SPAG16: variants seen among roughly 807,000 people sequenced by gnomAD.
SPAG16 encodes the protein sperm-associated antigen 16 protein.
In SPAG16, 86 loss-of-function variants were observed where a neutral mutation model predicts 80.4. That is an observed-to-expected ratio of 1.07 (90% CI 0.90 to 1.28). The LOEUF (loss-of-function observed/expected upper bound fraction) is 1.28. SPAG16 is among the 50% of genes most tolerant of loss of function. The pLI, the probability that SPAG16 is intolerant of heterozygous loss-of-function variation, is 0.00. For missense variants in SPAG16, 870 were observed against 765.3 expected, an observed-to-expected ratio of 1.14 and a Z score of -1.61; for synonymous variants, 294 against 265.9, an observed-to-expected ratio of 1.11 and a Z score of -1.03.
rs74410891 is a variant in SPAG16, at chr2:213,693,566, T to G, written c.1071-168919T>G. ...CTTGCTAAATAATTTATGGGCTTTTTGGAAGTGTTTTGGGCAGATTTCAAC... is the reference window on the plus strand; with the variant it reads ...CTTGCTAAATAATTTATGGGCTTTTGGGAAGTGTTTTGGGCAGATTTCAAC... On this transcript the variant is annotated intron_variant, in intron 10 of 15. Transcript: ENST00000331683. Among the ~76,000 whole-genome samples, 636 of 152,334 alleles carry G rather than the reference T, an allele frequency of 4.2e-3. 5 individuals carry two copies. The highest frequency in any genetic ancestry group is 0.014 in the African/African-American group (588 of 41,566).
At chr2:213,579,459 A>G (rs1045960932) in intron 10 of SPAG16, among the ~76,000 whole-genome samples, 1 of 152,164 alleles carries the variant, frequency 6.6e-6, no homozygotes, top group Non-Finnish European at 1.5e-5. Flanking sequence ...ACTCTTTTAA[A>G]AAGAAATGTA....
chr2:213,911,619 T>G (rs2077669723), intron 11 of SPAG16, among the ~76,000 whole-genome samples: 1 of 152,192 alleles, frequency 6.6e-6, no homozygotes, highest in Non-Finnish European at 1.5e-5. Flanking sequence ...ACTTGATGAT[T>G]ATTTGTATAT....
At chr2:213,664,252 G>A (rs139393975) in intron 10 of SPAG16, among the ~76,000 whole-genome samples, 106 of 152,018 alleles carry the variant, frequency 7.0e-4, no homozygotes, top group East Asian at 1.9e-3. Context: ...TTATCTTCCC[G>A]TCTTGAAATC....
At chr2:213,599,630 A>C (rs2060994635) in intron 10 of SPAG16, among the ~76,000 whole-genome samples, 2 of 152,162 alleles carry the variant, frequency 1.3e-5, no homozygotes, top group African/African-American at 4.8e-5. Context: ...GTGTTAACCG[A>C]CTTGTTGATG....
In SPAG16 at chr2:213,376,641, G is replaced by A. The variant is rs151132303; in HGVS notation, c.942+1522G>A. Among the ~76,000 whole-genome samples, 5 of 151,710 alleles carry A rather than the reference G, an allele frequency of 3.3e-5. No individual in the cohort carries two copies. In the East Asian group the frequency reaches 7.7e-4, roughly 23 times the overall value. ...ACTTCACATGATATCTATTGACTCC[G>A]CCGTAACAAAGAGGCATTTAGAGCA... On this transcript the variant is annotated intron_variant, in intron 9 of 15. Coordinates refer to ENST00000331683, the MANE Select transcript of SPAG16 (RefSeq NM_024532.5).
intron 11 of SPAG16, among the ~76,000 whole-genome samples, chr2:213,915,959 TG>T (rs1188326261): frequency 6.6e-6 from 1 of 152,210 alleles, no homozygotes; most frequent in Non-Finnish European, 1.5e-5. Context: ...TACTTTTTGA[TG>T]GGGTTGTTTT....
intron 15 of SPAG16, among the ~76,000 whole-genome samples, chr2:214,323,924 C>G (rs1460570474): frequency 1.3e-5 from 2 of 152,170 alleles, no homozygotes; most frequent in African/African-American, 4.8e-5. Flanking sequence ...ATTTTCCAAA[C>G]TTGAATTTTT....
At chr2:214,046,009 A>G (rs2049300601) in intron 13 of SPAG16, among the ~76,000 whole-genome samples, 1 of 152,188 alleles carries the variant, frequency 6.6e-6, no homozygotes, top group African/African-American at 2.4e-5. Flanking sequence ...CTGAAATGAA[A>G]AAGAAGACAC....
chr2:213,470,445 G>A (rs375636653), intron 9 of SPAG16, among the ~76,000 whole-genome samples: 72 of 152,308 alleles, frequency 4.7e-4, no homozygotes, highest in African/African-American at 1.6e-3. Flanking sequence ...CATATCCGGA[G>A]TAAGTGTGTA....
At chr2:213,528,396 C>A (rs1358098047) in intron 10 of SPAG16, among the ~76,000 whole-genome samples, 1 of 151,862 alleles carries the variant, frequency 6.6e-6, no homozygotes, top group Non-Finnish European at 1.5e-5. Flanking sequence ...AATGGGAAAC[C>A]TGTTTTGGTT....
chr2:213,398,706 C>T (rs2068164988), intron 9 of SPAG16, among the ~76,000 whole-genome samples: 1 of 152,104 alleles, frequency 6.6e-6, no homozygotes, highest in Non-Finnish European at 1.5e-5. Flanking sequence ...TGGCCTCTAT[C>T]CTACTTTAAT....
At chr2:213,918,436 G>T (rs2078064781) in intron 11 of SPAG16, among the ~76,000 whole-genome samples, 1 of 151,990 alleles carries the variant, frequency 6.6e-6, no homozygotes, top group Admixed American at 6.6e-5. Context: ...ATATGGTTTG[G>T]CTGTGTCCTC....
At chr2:213,443,533 T>A (rs2071113482) in intron 9 of SPAG16, among the ~76,000 whole-genome samples, 1 of 152,170 alleles carries the variant, frequency 6.6e-6, no homozygotes, top group African/African-American at 2.4e-5. Flanking sequence ...ATTCCACAAT[T>A]TCTTTATTCA....
intron 12 of SPAG16, among the ~76,000 whole-genome samples, chr2:213,953,675 A>G (rs2043971168): frequency 6.6e-6 from 1 of 152,000 alleles, no homozygotes; most frequent in Non-Finnish European, 1.5e-5. Flanking sequence ...AAAGTTTACC[A>G]GATTTTTTTA....
At chr2:213,623,206 T>C (rs1034747390) in intron 10 of SPAG16, among the ~76,000 whole-genome samples, 1 of 152,126 alleles carries the variant, frequency 6.6e-6, no homozygotes, top group Non-Finnish European at 1.5e-5. Flanking sequence ...AATCACTTTT[T>C]ACTGCTGCTG....
intron 13 of SPAG16, among the ~76,000 whole-genome samples, chr2:214,036,867 A>G (rs2048725140): frequency 2.6e-5 from 4 of 152,070 alleles, no homozygotes; most frequent in Admixed American, 6.5e-5. Flanking sequence ...TATTTATTCA[A>G]AATATTATTT....
chr2:213,548,388 TTTTTAG>T (rs1279082889), intron 10 of SPAG16, among the ~76,000 whole-genome samples: 2 of 152,130 alleles, frequency 1.3e-5, no homozygotes, highest in African/African-American at 4.8e-5. Context: ...AATTTTTGTA[TTTTTAG>T]TAGAGACGGG....
intron 15 of SPAG16, among the ~76,000 whole-genome samples, chr2:214,364,562 A>G (rs1177080371): frequency 4.6e-5 from 7 of 152,116 alleles, no homozygotes; most frequent in Non-Finnish European, 1.0e-4. Context: ...CGTCTTTGCA[A>G]TGTTTAGGTG....
chr2:213,738,046 GT>G (rs1264257382), intron 10 of SPAG16, among the ~76,000 whole-genome samples: 1 of 151,868 alleles, frequency 6.6e-6, no homozygotes, highest in Non-Finnish European at 1.5e-5. Flanking sequence ...ACACTTTATA[GT>G]TTTCTAAAAA....
Sources: allele counts gnomAD v4.1 joint callset (sites outside exome capture counted in the v4.1 genomes callset), GRCh38; gene constraint gnomAD v4.1.1; transcripts MANE v1.5; gene names NCBI Gene and HGNC (gene_info 2026-07-23, HGNC 2026-07-21).